The following APBB2 variants were observed in gnomAD, a reference collection of about 807,000 sequenced individuals.
APBB2 encodes amyloid beta precursor protein binding family B member 2, also known as Fe65-like 1.
In APBB2, 38 loss-of-function variants were observed where a neutral mutation model predicts 82.5. That is an observed-to-expected ratio of 0.46 (90% CI 0.36 to 0.60). The LOEUF (loss-of-function observed/expected upper bound fraction) is 0.60, where lower values mean the gene tolerates loss of function less well. Among genes scored for constraint, APBB2 ranks in the 20% least tolerant of loss-of-function variants. The pLI is 0.00. For missense variants in APBB2, 772 were observed against 972.3 expected (o/e 0.79, Z 2.74); for synonymous variants, 341 against 368.2 (o/e 0.93, Z 0.85).
chr4:41,001,603 C>T (rs944298673), intron 6 of APBB2, among the ~76,000 whole-genome samples: 5 of 152,278 alleles, frequency 3.3e-5, no homozygotes, highest in Admixed American at 2.0e-4. Flanking sequence ...ACAGGCTGGG[C>T]GTGGTGGCTC....
intron 3 of APBB2, among the ~76,000 whole-genome samples, chr4:41,077,702 C>T (rs1736116008): frequency 6.6e-6 from 1 of 152,152 alleles, no homozygotes; most frequent in Non-Finnish European, 1.5e-5. Flanking sequence ...ATTCCATCTA[C>T]ACATGCTTTC....
chr4:41,021,864 T>G (rs915300036), intron 5 of APBB2, among the ~76,000 whole-genome samples: 8 of 152,068 alleles, frequency 5.3e-5, no homozygotes, highest in African/African-American at 1.9e-4. Flanking sequence ...ATTCCTCAAG[T>G]CAGCAAAACC....
At chr4:41,078,011 T>G (rs1433890619) in intron 3 of APBB2, among the ~76,000 whole-genome samples, 1 of 152,136 alleles carries the variant, frequency 6.6e-6, no homozygotes, top group Non-Finnish European at 1.5e-5. Flanking sequence ...GCAACAAAAT[T>G]TTAATGTGCT....
Position 41,012,502 on chromosome 4 carries a change from A to G in APBB2, c.835+1081T>C, listed in dbSNP as rs147125621. Reference sequence around the variant, plus strand: ...GCCTCATCTCAACCTCCCTACTGCCACATTCCACAGTAGTATGCATCATTG... The same window carrying G: ...GCCTCATCTCAACCTCCCTACTGCCGCATTCCACAGTAGTATGCATCATTG... On this transcript the variant is annotated intron_variant, in intron 6 of 17. Transcript: ENST00000508593. Among the ~76,000 whole-genome samples the G allele has an allele frequency of 2.3e-3, 349 of 152,322 alleles. 1 individual carries two copies. Among genetic ancestry groups the G allele is most frequent in the African/African-American group, 8.1e-3 (336 of 41,576 alleles).
At chr4:41,032,607 A>G (rs1022246669) in intron 5 of APBB2, among the ~76,000 whole-genome samples, 3 of 152,024 alleles carry the variant, frequency 2.0e-5, no homozygotes, top group Non-Finnish European at 4.4e-5. Flanking sequence ...TTTCAGCAGT[A>G]CCCAGGCTGT....
At chr4:40,855,887 C>T (rs148874095) in intron 12 of APBB2, among the ~76,000 whole-genome samples, 1 of 152,286 alleles carries the variant, frequency 6.6e-6, no homozygotes, top group African/African-American at 2.4e-5. Context: ...TTACTTATAA[C>T]TTTTACAAAA....
chr4:41,079,497 T>TA (rs1560695013), intron 3 of APBB2, among the ~76,000 whole-genome samples: 2 of 151,330 alleles, frequency 1.3e-5, no homozygotes, highest in Non-Finnish European at 2.9e-5. Context: ...AAGATACAGA[T>TA]AAAACTGTTT....
At chr4:40,828,878 C>A (rs1750872976) in intron 13 of APBB2, among the ~76,000 whole-genome samples, 1 of 152,200 alleles carries the variant, frequency 6.6e-6, no homozygotes, top group African/African-American at 2.4e-5. Flanking sequence ...CAGCTCCCTG[C>A]CCCTGTCCCT....
chr4:40,982,027 A>C (rs1798604628), intron 6 of APBB2, among the ~76,000 whole-genome samples: 1 of 151,330 alleles, frequency 6.6e-6, no homozygotes, highest in African/African-American at 2.4e-5. Context: ...TCTACTAAAA[A>C]TACAAAAATT....
chr4:41,140,082 T>G (rs1192772837), intron 2 of APBB2, among the ~76,000 whole-genome samples: 1 of 152,114 alleles, frequency 6.6e-6, no homozygotes. Flanking sequence ...GAAAACTCTA[T>G]CATTAAAAAG....
At chr4:41,208,450 C>T (rs1032874349) in intron 1 of APBB2, among the ~76,000 whole-genome samples, 4 of 152,112 alleles carry the variant, frequency 2.6e-5, no homozygotes, top group Non-Finnish European at 4.4e-5. Flanking sequence ...TTAGCAGAGA[C>T]GGGGTTTCAC....
intron 6 of APBB2, among the ~76,000 whole-genome samples, chr4:40,993,580 G>A (rs1419829939): frequency 1.3e-5 from 2 of 151,104 alleles, no homozygotes; most frequent in Non-Finnish European, 2.9e-5. Flanking sequence ...TAGAGATGAA[G>A]TCTCATTATG....
intron 17 of APBB2, among the ~76,000 whole-genome samples, chr4:40,818,834 G>A (rs1402353697): frequency 2.0e-5 from 3 of 152,146 alleles, no homozygotes; most frequent in East Asian, 1.9e-4. Flanking sequence ...AAGGTCAAAT[G>A]CCTCTTTTCT....
At chr4:40,891,210 G>GGAAC (rs1771921814) in intron 11 of APBB2, among the ~76,000 whole-genome samples, 1 of 152,080 alleles carries the variant, frequency 6.6e-6, no homozygotes, top group Non-Finnish European at 1.5e-5. Flanking sequence ...CCAGCACAGG[G>GGAAC]GAACACCCAG....
intron 4 of APBB2, among the ~76,000 whole-genome samples, chr4:41,040,862 G>A (rs1466810752): frequency 6.6e-6 from 1 of 152,106 alleles, no homozygotes; most frequent in Non-Finnish European, 1.5e-5. Context: ...GCACACTTGA[G>A]AACATCTGCA....
intron 4 of APBB2, among the ~76,000 whole-genome samples, chr4:41,046,025 A>T (rs1171170181): frequency 7.9e-5 from 12 of 152,196 alleles, no homozygotes; most frequent in East Asian, 1.9e-4. Context: ...TTTAATTTTT[A>T]AAAAAAGGTT....
chr4:41,105,472 C>T (rs1746847630), intron 2 of APBB2, among the ~76,000 whole-genome samples: 1 of 152,116 alleles, frequency 6.6e-6, no homozygotes, highest in Admixed American at 6.5e-5. Flanking sequence ...TTACAGCCTC[C>T]TCAGAGACTC....
In APBB2 at chr4:41,145,084, T is replaced by A. The variant is rs569985637; in HGVS notation, c.-416-1942A>T. Among the ~76,000 whole-genome samples the A allele has an allele frequency of 7.1e-4, 108 of 152,346 alleles. 1 individual carries two copies. Among genetic ancestry groups the A allele is most frequent in the Admixed American group, 6.0e-3 (92 of 15,304 alleles). On this transcript the variant is annotated intron_variant, in intron 1 of 17. Coordinates refer to ENST00000508593, the MANE Select transcript of APBB2 (RefSeq NM_004307.2). The stretch of plus-strand genomic sequence containing the variant: ...GCAGTGAGCCATGTTCACGTCACTA[T>A]ACTCCAGTCTGGGAGACAGAGTGAG...
intron 1 of APBB2, among the ~76,000 whole-genome samples, chr4:41,156,708 G>C (rs182761569): frequency 1.1e-4 from 16 of 152,084 alleles, no homozygotes; most frequent in African/African-American, 3.9e-4. Context: ...TCCTGAATAC[G>C]TTCCTTATCT....
Sources: allele counts gnomAD v4.1 joint callset (sites outside exome capture counted in the v4.1 genomes callset), GRCh38; gene constraint gnomAD v4.1.1; transcripts MANE v1.5; gene names NCBI Gene and HGNC (gene_info 2026-07-23, HGNC 2026-07-21).